The following EBF3 variants were observed in gnomAD, a reference collection of about 807,000 sequenced individuals.
EBF3 encodes the protein EBF transcription factor 3.
EBF3 carries 18 observed loss-of-function variants against 77.1 expected under a neutral mutation model. The observed-to-expected ratio is 0.23, with a 90% confidence interval of 0.16 to 0.35. The LOEUF is 0.35. Among genes scored for constraint, EBF3 ranks in the 10% least tolerant of loss-of-function variants. The pLI, the probability that EBF3 is intolerant of heterozygous loss-of-function variation, is 1.00. For missense variants in EBF3, 558 were observed against 860.0 expected, an observed-to-expected ratio of 0.65 and a Z score of 4.39; for synonymous variants, 350 against 343.5, an observed-to-expected ratio of 1.02 and a Z score of -0.21.
chr10:129,948,741 C>T (rs1371425259), intron 6 of EBF3, among the ~76,000 whole-genome samples: 1 of 152,150 alleles, frequency 6.6e-6, no homozygotes. Flanking sequence ...TATGAGAACA[C>T]CTTTAAATCT....
chr10:129,847,060 G>C (rs569937560), intron 11 of EBF3, among the ~76,000 whole-genome samples: 2 of 152,082 alleles, frequency 1.3e-5, no homozygotes, highest in Non-Finnish European at 2.9e-5. Flanking sequence ...GCAGGCACGC[G>C]GTCACCTGTG....
At chr10:129,850,352 G>A (rs1215217810) in intron 10 of EBF3, among the ~76,000 whole-genome samples, 14 of 152,230 alleles carry the variant, frequency 9.2e-5, no homozygotes, top group Admixed American at 5.2e-4. Flanking sequence ...TGGGAGAGAC[G>A]CTTTCCAATG....
chr10:129,916,233 G>A (rs1855876863), intron 6 of EBF3, among the ~76,000 whole-genome samples: 1 of 152,214 alleles, frequency 6.6e-6, no homozygotes, highest in South Asian at 2.1e-4. Flanking sequence ...CTCCCTGGCA[G>A]GGGTGAGACC....
intron 6 of EBF3, among the ~76,000 whole-genome samples, chr10:129,940,040 G>A (rs1372546389): frequency 6.6e-6 from 1 of 152,210 alleles, no homozygotes; most frequent in Admixed American, 6.5e-5. Context: ...ACAACCCCGA[G>A]GGCCCACTGG....
chr10:129,877,771 G>A lies in EBF3; in HGVS notation c.633C>T (p.Phe211=). 6.2e-7 allele frequency: 1 copy of A among 1,612,498 alleles called. No homozygotes were observed. ...NAGNPRDMRR[F]QVVVSTTVNV... is the part of the protein sequence containing the mutation. The stretch of plus-strand genomic sequence containing the variant: ...CGTGTCTTTGAGAAATGTATACCTG[G>A]AATCTCCGCATATCTCGAGGGTTGC... The change falls in exon 7 of 17, where the codon TTC becomes TTT. Residue 211 remains phenylalanine, a synonymous_variant. Coordinates refer to ENST00000440978, the MANE Select transcript of EBF3 (RefSeq NM_001375380.1).
In EBF3 at chr10:129,947,946, C is replaced by A. The variant is rs1589935990; in HGVS notation, c.554+9312G>T. ...AGAAGACATGCAGGAAACTTAAATGCCTACTGCTCAGTGAAAGAAGCCAGT... is the reference window on the plus strand; with the variant it reads ...AGAAGACATGCAGGAAACTTAAATGACTACTGCTCAGTGAAAGAAGCCAGT... On this transcript the variant is annotated intron_variant, in intron 6 of 16. Coordinates refer to ENST00000440978, the MANE Select transcript of EBF3 (RefSeq NM_001375380.1). The surrounding 1 kb of genome is among the most constrained non-coding windows in gnomAD (Gnocchi z 4.5). 6.6e-6 allele frequency among the ~76,000 whole-genome samples: 1 copy of A among 152,030 alleles called. No individual in the cohort carries two copies. The highest frequency in any genetic ancestry group is 1.5e-5 in the Non-Finnish European group (1 of 68,022).
At chr10:129,936,575 C>G (rs1857375808) in intron 6 of EBF3, among the ~76,000 whole-genome samples, 2 of 150,976 alleles carry the variant, frequency 1.3e-5, no homozygotes, top group African/African-American at 4.9e-5. Context: ...ATGTGGGGAA[C>G]CAGGGGCTAT....
In EBF3 at chr10:129,938,359, G is replaced by A. The variant is rs1857501487; in HGVS notation, c.554+18899C>T. Among the ~76,000 whole-genome samples the A allele has an allele frequency of 6.8e-6, 1 of 147,996 alleles. No individual in the cohort carries two copies. Among genetic ancestry groups the A allele is most frequent in the African/African-American group, 2.5e-5 (1 of 39,842 alleles). On this transcript the variant is annotated intron_variant, in intron 6 of 16. Transcript: ENST00000440978. This position sits in a 1 kb window ranked among gnomAD's most constrained non-coding sequence, Gnocchi z 5.1. Reference sequence around the variant, plus strand: ...GTTCAACACCAGCCTGGGCAACATGGCAAAACCCCATCTCTATTTAAAAAA... The same window carrying A: ...GTTCAACACCAGCCTGGGCAACATGACAAAACCCCATCTCTATTTAAAAAA...
intron 6 of EBF3, among the ~76,000 whole-genome samples, chr10:129,881,231 G>A (rs186769551): frequency 1.6e-4 from 24 of 152,264 alleles, no homozygotes; most frequent in African/African-American, 5.3e-4. Context: ...ACGAAGAGGC[G>A]ATAAAAATTC....
rs2133945089 is a variant in EBF3, at chr10:129,840,912, A to G, written c.1493T>C (p.Met498Thr). The change falls in exon 14 of 17, where the codon ATG becomes ACG. Residue 498 changes from methionine (M) to threonine (T), a missense_variant. Coordinates refer to ENST00000440978, the MANE Select transcript of EBF3 (RefSeq NM_001375380.1). The stretch of plus-strand genomic sequence containing the variant: ...CGAGCCAGGGACCCCTAGACTGGCC[A>G]TGGCGCCACTTCCATATCCATTCAT... The part of the protein sequence containing the change: ...TSMNGYGSGA[M>T]ASLGVPGSPG... The G allele has an allele frequency of 1.2e-6, 2 of 1,614,186 alleles. No individual in the cohort carries two copies. The highest frequency in any genetic ancestry group is 1.7e-6 in the Non-Finnish European group (2 of 1,180,034).
At chr10:129,845,928 C>A (rs1056402629) in intron 11 of EBF3, 3 of 92,360 alleles carry the variant, frequency 3.2e-5, no homozygotes, top group Non-Finnish European at 5.8e-5. Context: ...GTTTTTTCTG[C>A]TTTCATTTTT....
Position 129,963,802 on chromosome 10 carries a change from G to T in EBF3, c.-34C>A. ...CTGGCGGCGGCCGCAGCTCCCGGCC[G>T]AAAGCGTTTCCTCGAGCAGCGGCGC... On this transcript the variant is annotated 5_prime_UTR_variant, in exon 1 of 17. Coordinates refer to ENST00000440978, the MANE Select transcript of EBF3 (RefSeq NM_001375380.1). The surrounding 1 kb of genome is among the most constrained non-coding windows in gnomAD (Gnocchi z 7.1). The T allele has an allele frequency of 6.7e-7, 1 of 1,489,320 alleles. No homozygotes were observed. The highest frequency in any genetic ancestry group is 9.0e-7 in the Non-Finnish European group (1 of 1,108,262). The allele number at this position is 1,489,320 out of a possible 1,614,324, so 92.3% of individuals were successfully genotyped here.
intron 6 of EBF3, among the ~76,000 whole-genome samples, chr10:129,946,296 C>T (rs184541754): frequency 6.6e-6 from 1 of 152,318 alleles, no homozygotes; most frequent in South Asian, 2.1e-4. Context: ...TTAGTTACTG[C>T]TCACAGTCTA....
chr10:129,957,122 C>T, intron 6 of EBF3, 136 bp downstream of exon 6: 7 of 696,922 alleles, frequency 1.0e-5, no homozygotes, highest in East Asian at 5.5e-5. Context: ...ATAACACACG[C>T]GGACAACAAA....
Position 129,864,130 on chromosome 10 carries a change from G to A in EBF3, c.1039+3011C>T, listed in dbSNP as rs1851829863. 6.6e-6 allele frequency among the ~76,000 whole-genome samples: 1 copy of A among 152,152 alleles called. No homozygotes were observed. Among genetic ancestry groups the A allele is most frequent in the Non-Finnish European group, 1.5e-5 (1 of 68,034 alleles). On this transcript the variant is annotated intron_variant, in intron 10 of 16. Coordinates refer to ENST00000440978, the MANE Select transcript of EBF3 (RefSeq NM_001375380.1). The surrounding 1 kb of genome is among the most constrained non-coding windows in gnomAD (Gnocchi z 4.4). ...TAAGGGGTCCACTGGTCCCTTAGTA[G>A]GAGGATATGAGACCTGGAGAGGATA...
rs144475099 is a variant in EBF3 at position 129,871,780 on chromosome 10, G to A, written c.781+1672C>T. On this transcript the variant is annotated intron_variant, in intron 8 of 16. Coordinates refer to ENST00000440978, the MANE Select transcript of EBF3 (RefSeq NM_001375380.1). ...TTATGACAAATGCCTTTTTCTTAAC[G>A]ATCTGTCTATGCTAGTCCTCAGAGT... 4.0e-3 allele frequency among the ~76,000 whole-genome samples: 605 copies of A among 152,140 alleles called. 4 individuals carry two copies. The highest frequency in any genetic ancestry group is 0.014 in the African/African-American group (577 of 41,488).
chr10:129,874,343 G>A (rs1047871268), intron 7 of EBF3, among the ~76,000 whole-genome samples: 2 of 152,134 alleles, frequency 1.3e-5, no homozygotes, highest in African/African-American at 2.4e-5. Context: ...CACAGATCAG[G>A]CCCTCTTAAG....
In EBF3 at chr10:129,863,984, G is replaced by A. The variant is rs1261584353; in HGVS notation, c.1039+3157C>T. Among the ~76,000 whole-genome samples the A allele has an allele frequency of 6.6e-6, 1 of 152,152 alleles. No homozygotes were observed. The highest frequency in any genetic ancestry group is 1.5e-5 in the Non-Finnish European group (1 of 68,024). The stretch of plus-strand genomic sequence containing the variant: ...TGTCTCGATGGAGGAAATCCCTGAA[G>A]CTTCGGGCAGCCAGGACCCTGAGCT... On this transcript the variant is annotated intron_variant, in intron 10 of 16. Transcript: ENST00000440978. This position sits in a 1 kb window ranked among gnomAD's most constrained non-coding sequence, Gnocchi z 4.0.
At chr10:129,856,641 C>T (rs976646064) in intron 10 of EBF3, among the ~76,000 whole-genome samples, 8 of 152,304 alleles carry the variant, frequency 5.3e-5, no homozygotes, top group East Asian at 1.9e-4. Context: ...ACGGCTGTCA[C>T]TTCTGGGGAC....
Sources: allele counts gnomAD v4.1 joint callset (sites outside exome capture counted in the v4.1 genomes callset), GRCh38; gene constraint gnomAD v4.1.1; non-coding constraint Gnocchi (gnomAD v3.1); transcripts MANE v1.5; gene names NCBI Gene and HGNC (gene_info 2026-07-23, HGNC 2026-07-21).